Variants in TMC2 observed in about 807,000 individuals in gnomAD.
TMC2 encodes transmembrane channel like 2.
A neutral mutation model predicts 105.9 loss-of-function variants in TMC2; 102 were observed. The ratio of observed to expected loss-of-function variants is 0.96; its 90% CI spans 0.82 to 1.14. TMC2 has a LOEUF of 1.14. TMC2 is among the 50% of genes most tolerant of loss of function. TMC2 has a pLI of 0.00. For synonymous variants in TMC2, 402 were observed against 422.8 expected (o/e 0.95, Z 0.60); for missense variants, 1,093 against 1,134.3 (o/e 0.96, Z 0.52).
In TMC2 at chr20:2,555,039, T is replaced by C. The variant is rs375986067; in HGVS notation, c.83-3417T>C. On this transcript the variant is annotated intron_variant, in intron 2 of 19. Transcript: ENST00000358864. ...ATAGAGGAATATTAAAGTCTCCAAC[T>C]ATAGTAGTGAATTGGTCTATTTCTC... is the stretch of plus-strand genomic sequence containing the variant. 8.9e-4 allele frequency among the ~76,000 whole-genome samples: 135 copies of C among 152,336 alleles called. 2 individuals carry two copies. The South Asian group carries it at 0.016, about 18-fold the overall frequency.
chr20:2,629,149 TATC>T (rs1160596848), intron 17 of TMC2, among the ~76,000 whole-genome samples: 2 of 152,202 alleles, frequency 1.3e-5, no homozygotes, highest in African/African-American at 4.8e-5. Context: ...GTGTATTGTT[TATC>T]ATATTTACTC....
chr20:2,585,022 G>A (rs1761278819), intron 7 of TMC2, among the ~76,000 whole-genome samples: 1 of 152,102 alleles, frequency 6.6e-6, no homozygotes, highest in Admixed American at 6.6e-5. Flanking sequence ...TCTGATTTCT[G>A]TTCCCAAAGT....
Position 2,618,614 on chromosome 20 carries a change from G to C in TMC2, c.2180+1303G>C, listed in dbSNP as rs530427109. On this transcript the variant is annotated intron_variant, in intron 16 of 19. Coordinates refer to ENST00000358864, the MANE Select transcript of TMC2 (RefSeq NM_080751.3). ...GGGGTTCAATACATAAGTCAAGCTA[G>C]TTGGGAGACTAGATATTGTATAAAA... 6.3e-4 allele frequency among the ~76,000 whole-genome samples: 96 copies of C among 152,296 alleles called. 1 individual carries two copies. The highest frequency in any genetic ancestry group is 2.1e-3 in the African/African-American group (89 of 41,548).
chr20:2,555,024 A>G (rs1403231398), intron 2 of TMC2, among the ~76,000 whole-genome samples: 1 of 152,160 alleles, frequency 6.6e-6, no homozygotes, highest in African/African-American at 2.4e-5. Context: ...ATAGAGGAAT[A>G]TTAAAGTCTC....
At chr20:2,593,936 C>G (rs2086286156) in intron 8 of TMC2, among the ~76,000 whole-genome samples, 1 of 152,194 alleles carries the variant, frequency 6.6e-6, no homozygotes, top group Admixed American at 6.5e-5. Context: ...CCAATGCCAC[C>G]AAGCTTTGGG....
rs938383790 is a variant in TMC2 at position 2,617,374 on chromosome 20, G to A, written c.2180+63G>A. The A allele has an allele frequency of 7.7e-5, 122 of 1,589,862 alleles. No individual in the cohort carries two copies. The Middle Eastern group carries it at 1.2e-3, about 15-fold the overall frequency. ...CGAGGCAGTCTGCTCAGAGGGCCTCGGCCCAGAATTCCAGTTCTGGTTTCA... is the reference window on the plus strand; with the variant it reads ...CGAGGCAGTCTGCTCAGAGGGCCTCAGCCCAGAATTCCAGTTCTGGTTTCA... On this transcript the variant is annotated intron_variant, in intron 16 of 19. Coordinates refer to ENST00000358864, the MANE Select transcript of TMC2 (RefSeq NM_080751.3).
chr20:2,630,450 T>C (rs911361355), intron 17 of TMC2, among the ~76,000 whole-genome samples: 5 of 152,210 alleles, frequency 3.3e-5, no homozygotes, highest in African/African-American at 1.2e-4. Context: ...AATAATCCTA[T>C]TTGTCTCTAA....
intron 10 of TMC2, among the ~76,000 whole-genome samples, chr20:2,601,492 G>A (rs1200479419): frequency 1.3e-5 from 2 of 152,208 alleles, no homozygotes; most frequent in African/African-American, 2.4e-5. Flanking sequence ...GGGCCTTGGG[G>A]TCTGTAATGT....
At chr20:2,606,891 C>CTTTTTTTTTTTTTTTTTTT (rs11476357) in intron 11 of TMC2, among the ~76,000 whole-genome samples, 3 of 83,980 alleles carry the variant, frequency 3.6e-5, no homozygotes, top group African/African-American at 1.8e-4. Flanking sequence ...TTTCTTTTTT[C>CTTTTTTTTTTTTTTTTTTT]TTTTTTTTTT....
chr20:2,601,084 T>A (rs1452219604), intron 10 of TMC2, among the ~76,000 whole-genome samples: 2 of 149,290 alleles, frequency 1.3e-5, no homozygotes, highest in Non-Finnish European at 3.0e-5. Flanking sequence ...ACCAAAATAA[T>A]GTACAAGACC....
chr20:2,537,116 G>C (rs990495774), intron 1 of TMC2, among the ~76,000 whole-genome samples, 153 bp from the exon 2 acceptor site: 1 of 152,186 alleles, frequency 6.6e-6, no homozygotes, highest in East Asian at 1.9e-4. Flanking sequence ...TGACAGGCAG[G>C]GGACTCTATA....
At chr20:2,612,072 A>G (rs992794958) in intron 12 of TMC2, 119 bp from the exon 13 acceptor site, 50 of 1,029,270 alleles carry the variant, frequency 4.9e-5, no homozygotes, top group Admixed American at 2.8e-4. Flanking sequence ...GACTCTGTCC[A>G]GGGGAGAGCA....
At chr20:2,583,351 T>C (rs1467467450) in intron 7 of TMC2, among the ~76,000 whole-genome samples, 1 of 152,214 alleles carries the variant, frequency 6.6e-6, no homozygotes, top group Non-Finnish European at 1.5e-5. Flanking sequence ...AATGAAGCAG[T>C]CTGACAGATT....
chr20:2,634,283 C>T (rs143815832), intron 17 of TMC2, among the ~76,000 whole-genome samples: 2 of 152,318 alleles, frequency 1.3e-5, no homozygotes, highest in African/African-American at 4.8e-5. Context: ...TCAGCACCCT[C>T]TCTGGTAGCT....
At chr20:2,596,950 G>A (rs556327089) in intron 9 of TMC2, among the ~76,000 whole-genome samples, 1 of 152,158 alleles carries the variant, frequency 6.6e-6, no homozygotes, top group African/African-American at 2.4e-5. Flanking sequence ...TGCTTTCAGG[G>A]GACTCTGAAT....
Position 2,611,882 on chromosome 20 carries a change from GTGGGTGGATGGA to G in TMC2, c.1594-305_1594-294del, listed in dbSNP as rs1248208595. 7.3e-3 allele frequency among the ~76,000 whole-genome samples: 543 copies of G among 74,864 alleles called. 1 individual carries two copies. The highest frequency in any genetic ancestry group is 0.022 in the African/African-American group (504 of 22,700). The allele number at this position is 74,864 out of a possible 152,430, so 49.1% of individuals were successfully genotyped here. ...GATGGATGGATGGGTGGGTGGGTGG[GTGGGTGGATGGA>G]TGGATGGATGGATGGATGGATGGAT... is the stretch of plus-strand genomic sequence containing the variant. On this transcript the variant is annotated intron_variant, in intron 12 of 19. Coordinates refer to ENST00000358864, the MANE Select transcript of TMC2 (RefSeq NM_080751.3).
rs78087384 is a variant in TMC2 at position 2,559,302 on chromosome 20, T to C, written c.401+528T>C. Among the ~76,000 whole-genome samples, 1,122 of 152,332 alleles carry C rather than the reference T, an allele frequency of 7.4e-3. 10 individuals carry two copies. The highest frequency in any genetic ancestry group is 0.025 in the African/African-American group (1,044 of 41,574). On this transcript the variant is annotated intron_variant, in intron 3 of 19. Coordinates refer to ENST00000358864, the MANE Select transcript of TMC2 (RefSeq NM_080751.3). Reference sequence around the variant, plus strand: ...AGACCTTCAAGGATGCTACCAGCTCTGAAATTCTGGAGCTTGGAGGTTTTA... The same window carrying C: ...AGACCTTCAAGGATGCTACCAGCTCCGAAATTCTGGAGCTTGGAGGTTTTA...
chr20:2,562,650 C>T (rs2086035496), intron 4 of TMC2, among the ~76,000 whole-genome samples: 1 of 152,172 alleles, frequency 6.6e-6, no homozygotes, highest in Non-Finnish European at 1.5e-5. Flanking sequence ...ATTCTGGGGT[C>T]TTTGCTGCAG....
intron 9 of TMC2, among the ~76,000 whole-genome samples, chr20:2,596,261 C>A (rs1226375552): frequency 1.3e-5 from 2 of 152,064 alleles, no homozygotes; most frequent in Non-Finnish European, 2.9e-5. Context: ...GTGCTTTCAG[C>A]CAAACTTGAT....
Sources: allele counts gnomAD v4.1 joint callset (sites outside exome capture counted in the v4.1 genomes callset), GRCh38; gene constraint gnomAD v4.1.1; transcripts MANE v1.5; gene names NCBI Gene and HGNC (gene_info 2026-07-23, HGNC 2026-07-21).